Variants in NEO1 observed in about 807,000 individuals in gnomAD.
NEO1 encodes neogenin 1.
Under a neutral mutation model 159.7 loss-of-function variants are expected in NEO1, and 63 were observed. That is an observed-to-expected ratio of 0.39 (90% CI 0.32 to 0.49). NEO1 has a LOEUF of 0.49. Among genes scored for constraint, NEO1 ranks in the 20% least tolerant of loss-of-function variants. NEO1 has a pLI of 0.85. For missense variants in NEO1, 1,615 were observed against 1,831.0 expected, an observed-to-expected ratio of 0.88 and a Z score of 2.15; for synonymous variants, 633 against 662.0, an observed-to-expected ratio of 0.96 and a Z score of 0.67.
At chr15:73,166,108 C>A (rs368415847) in intron 5 of NEO1, among the ~76,000 whole-genome samples, 11 of 152,326 alleles carry the variant, frequency 7.2e-5, no homozygotes, top group African/African-American at 2.6e-4. Context: ...CCCACCCTAA[C>A]TGCCTACCTT....
chr15:73,209,881 G>C (rs140049901), intron 7 of NEO1, among the ~76,000 whole-genome samples: 1 of 151,916 alleles, frequency 6.6e-6, no homozygotes, highest in African/African-American at 2.4e-5. Context: ...GGTGGCAGGC[G>C]CCTCCCAGCT....
intron 5 of NEO1, among the ~76,000 whole-genome samples, chr15:73,144,788 CTTT>C (rs1316914494): frequency 6.6e-6 from 1 of 152,184 alleles, no homozygotes; most frequent in African/African-American, 2.4e-5. Context: ...TATTTTTCTT[CTTT>C]GATTTTCTGT....
chr15:73,279,737 A>G (rs2151079908), intron 22 of NEO1, among the ~76,000 whole-genome samples: 1 of 152,310 alleles, frequency 6.6e-6, no homozygotes, highest in East Asian at 1.9e-4. Flanking sequence ...ATAAAGGGAA[A>G]GCTTCCTAGA....
At chr15:73,149,792 T>G (rs1295483451) in intron 5 of NEO1, among the ~76,000 whole-genome samples, 2 of 152,224 alleles carry the variant, frequency 1.3e-5, no homozygotes, top group Non-Finnish European at 2.9e-5. Context: ...ATGCATTCAG[T>G]ATTTAATGAT....
At chr15:73,276,255 A>G (rs996415400) in intron 21 of NEO1, among the ~76,000 whole-genome samples, 4 of 152,216 alleles carry the variant, frequency 2.6e-5, no homozygotes, top group African/African-American at 7.2e-5. Flanking sequence ...TACATTCAAG[A>G]GAAACAATGT....
intron 7 of NEO1, among the ~76,000 whole-genome samples, chr15:73,220,333 T>C (rs1001594783): frequency 1.3e-5 from 2 of 152,220 alleles, no homozygotes; most frequent in Non-Finnish European, 2.9e-5. Context: ...ATGGGTAACC[T>C]GACCTTTCTC....
chr15:73,193,254 C>A (rs2036338225), intron 7 of NEO1, among the ~76,000 whole-genome samples: 2 of 151,868 alleles, frequency 1.3e-5, no homozygotes, highest in African/African-American at 4.8e-5. Flanking sequence ...CTAGCAGATA[C>A]CCTATTATAT....
intron 7 of NEO1, among the ~76,000 whole-genome samples, chr15:73,185,602 A>G (rs889476061): frequency 1.3e-5 from 2 of 152,218 alleles, no homozygotes; most frequent in Non-Finnish European, 2.9e-5. Context: ...CATTTTTATC[A>G]TAAAATTTAG....
At chr15:73,129,627 G>A (rs1411952496) in intron 4 of NEO1, among the ~76,000 whole-genome samples, 1 of 152,116 alleles carries the variant, frequency 6.6e-6, no homozygotes, top group Non-Finnish European at 1.5e-5. Flanking sequence ...TAAAGGGAGA[G>A]AATCTGGAAA....
In NEO1 at chr15:73,249,597, A is replaced by C; in HGVS notation, c.1770A>C (p.Ser590=). 1 of 1,602,258 alleles carries C rather than the reference A, an allele frequency of 6.2e-7. No homozygotes were observed. The highest frequency in any genetic ancestry group is 8.5e-7 in the Non-Finnish European group (1 of 1,176,870). ...TTTTATTCAAGGATGTTGATGTTTC[A>C]AGTCACTCTTACACCATTAATGGGT... is the stretch of plus-strand genomic sequence containing the variant. ...GTDKEQDVDV[S]SHSYTINGLK... is the part of the protein sequence containing the mutation. Residue 590 remains serine (S), a synonymous_variant, in exon 11 of 29, where the codon TCA becomes TCC. Transcript: ENST00000261908.
chr15:73,120,394 A>C (rs867660459), intron 2 of NEO1, among the ~76,000 whole-genome samples: 1 of 150,802 alleles, frequency 6.6e-6, no homozygotes, highest in African/African-American at 2.4e-5. Flanking sequence ...CTTGAAATAA[A>C]AAAAAAATAA....
chr15:73,136,121 C>A, intron 5 of NEO1, 94 bp downstream of exon 5: 1 of 1,096,252 alleles, frequency 9.1e-7, no homozygotes, highest in Non-Finnish European at 1.2e-6. Flanking sequence ...GGCAATACAG[C>A]AAAACAATTA....
At chr15:73,232,152 A>G (rs2038943632) in intron 7 of NEO1, among the ~76,000 whole-genome samples, 1 of 152,128 alleles carries the variant, frequency 6.6e-6, no homozygotes, top group South Asian at 2.1e-4. Flanking sequence ...TGGATAATAA[A>G]TTGTAGCAAC....
chr15:73,054,923 C>CA (rs1471622126), intron 1 of NEO1, among the ~76,000 whole-genome samples: 2 of 151,970 alleles, frequency 1.3e-5, no homozygotes. Flanking sequence ...ACTTATAAAT[C>CA]TTTTTATAGG....
At chr15:73,289,802 TAGCC>T (rs2151130575) in intron 25 of NEO1, among the ~76,000 whole-genome samples, 1 of 152,188 alleles carries the variant, frequency 6.6e-6, no homozygotes, top group South Asian at 2.1e-4. Context: ...AATTAAAAAT[TAGCC>T]AGGTATGGTG....
intron 7 of NEO1, among the ~76,000 whole-genome samples, chr15:73,207,701 T>C (rs1454652822): frequency 2.0e-5 from 3 of 152,340 alleles, no homozygotes; most frequent in East Asian, 1.9e-4. Context: ...GTGTCACTTA[T>C]TTTTACAATT....
chr15:73,110,811 C>T (rs1048861800), intron 1 of NEO1, among the ~76,000 whole-genome samples: 36 of 151,852 alleles, frequency 2.4e-4, no homozygotes, highest in Non-Finnish European at 4.4e-5. Context: ...GAGTCAGGTC[C>T]CTGGGGAGAA....
chr15:73,269,889 T>G, intron 16 of NEO1, 121 bp from the exon 17 acceptor site: 2 of 787,754 alleles, frequency 2.5e-6, no homozygotes, highest in Non-Finnish European at 2.1e-6. Flanking sequence ...TAACTCTGAA[T>G]TTTCTTTCTT....
chr15:73,270,434 A>T lies in NEO1; in HGVS notation c.2837A>T (p.His946Leu). The change falls in exon 18 of 29, where the codon CAT (histidine) becomes CTT (leucine). Residue 946 changes from histidine to leucine, a missense_variant. This residue lies in a region of NEO1 where 126 missense variants were observed against 216.7 expected (regional missense o/e 0.58). Transcript: ENST00000261908. ...RRSSTWSMTA[H>L]GTTFELVPTS... ...TCAAGTACATGGAGTATGACAGCCC[A>T]TGGGACCACCTTTGAATTAGGTATG... The T allele has an allele frequency of 6.2e-7, 1 of 1,613,638 alleles. No individual in the cohort carries two copies. Among genetic ancestry groups the T allele is most frequent in the Non-Finnish European group, 8.5e-7 (1 of 1,179,954 alleles).
Sources: allele counts gnomAD v4.1 joint callset (sites outside exome capture counted in the v4.1 genomes callset), GRCh38; gene constraint gnomAD v4.1.1; regional missense constraint gnomAD v4.1.1; transcripts MANE v1.5; gene names NCBI Gene and HGNC (gene_info 2026-07-23, HGNC 2026-07-21).